COL5A1: variants seen among roughly 807,000 people sequenced by gnomAD.
COL5A1 encodes collagen type V alpha 1 chain, also known as collagen alpha-1(V) chain.
Under a neutral mutation model 263.7 loss-of-function variants are expected in COL5A1, and 16 were observed. That is an observed-to-expected ratio of 0.06 (90% CI 0.04 to 0.09). The LOEUF (loss-of-function observed/expected upper bound fraction) is 0.09. COL5A1 is among the 10% of genes least tolerant of loss of function. COL5A1 has a pLI of 1.00. For synonymous variants in COL5A1, 1,012 were observed against 1,004.5 expected (o/e 1.01, Z -0.14); for missense variants, 2,036 against 2,540.5 (o/e 0.80, Z 4.27).
intron 4 of COL5A1, among the ~76,000 whole-genome samples, chr9:134,706,583 G>A (rs142395005): frequency 6.6e-6 from 1 of 152,306 alleles, no homozygotes; most frequent in East Asian, 1.9e-4. Context: ...GCCAGCACCA[G>A]GGAGGTTGAG....
chr9:134,769,659 G>C (rs940301199), intron 25 of COL5A1, among the ~76,000 whole-genome samples: 1 of 152,206 alleles, frequency 6.6e-6, no homozygotes, highest in African/African-American at 2.4e-5. Flanking sequence ...CGCAATCTGT[G>C]GGGACAGTGG....
chr9:134,762,899 ATG>A (rs1318450415), intron 19 of COL5A1, among the ~76,000 whole-genome samples: 4 of 151,792 alleles, frequency 2.6e-5, no homozygotes, highest in African/African-American at 9.7e-5. Context: ...ATGCGTGCAT[ATG>A]TGTGGCTGTG....
At position 134,742,304 on chromosome 9, in the gene COL5A1, G is replaced by A. The variant is rs977214471; in HGVS notation, c.1494+3496G>A. Among the ~76,000 whole-genome samples, 5 of 151,638 alleles carry A rather than the reference G, an allele frequency of 3.3e-5. No homozygotes were observed. Among genetic ancestry groups the A allele is most frequent in the South Asian group, 2.1e-4 (1 of 4,790 alleles). ...TGGGGCCTGCCTTAAGAAACTCACC[G>A]TCCAGTGAGGAAGAAAAGGCACAGA... On this transcript the variant is annotated intron_variant, in intron 11 of 65. Coordinates refer to ENST00000371817, the MANE Select transcript of COL5A1 (RefSeq NM_000093.5). The surrounding 1 kb of genome is among the most constrained non-coding windows in gnomAD (Gnocchi z 4.6).
chr9:134,798,365 C>T, intron 36 of COL5A1, 43 bp from the exon 37 acceptor site: 1 of 1,600,336 alleles, frequency 6.2e-7, no homozygotes. Flanking sequence ...GTGGTTGCTT[C>T]TCAGACACGA....
chr9:134,782,039 T>C (rs1425367074), intron 28 of COL5A1, among the ~76,000 whole-genome samples: 1 of 152,210 alleles, frequency 6.6e-6, no homozygotes, highest in Non-Finnish European at 1.5e-5. Context: ...GCTTTTGCCC[T>C]GCGGTTTCCG....
At chr9:134,653,926 G>T (rs546050583) in intron 1 of COL5A1, among the ~76,000 whole-genome samples, 11 of 151,108 alleles carry the variant, frequency 7.3e-5, no homozygotes, top group Admixed American at 5.3e-4. Flanking sequence ...GGTGTGTAGG[G>T]CTGGTGTATG....
Position 134,774,713 on chromosome 9 carries a change from C to CA in COL5A1, c.2332-145dup, listed in dbSNP as rs1393217557. On this transcript the variant is annotated intron_variant, in intron 26 of 65. Coordinates refer to ENST00000371817, the MANE Select transcript of COL5A1 (RefSeq NM_000093.5). The stretch of plus-strand genomic sequence containing the variant: ...GCTGTGAACACCTGTGCGAGTCTCC[C>CA]ACGGGGGGCCTCTCTGGAGGCTCTG... 12 of 797,688 alleles carry CA rather than the reference C, an allele frequency of 1.5e-5. No individual in the cohort carries two copies. The African/African-American group carries it at 1.5e-4, about 10-fold the overall frequency. 49.4% of individuals were successfully genotyped at this position (797,688 alleles called of 1,614,324 possible). A position where few individuals can be genotyped will look rare whatever the true frequency, so the allele number is the denominator to read the frequency against.
intron 20 of COL5A1, among the ~76,000 whole-genome samples, chr9:134,764,115 C>T (rs1449397810): frequency 2.7e-4 from 3 of 11,052 alleles, no homozygotes; most frequent in African/African-American, 8.2e-4. Context: ...GTGGGGTGTC[C>T]GAGGGCATGG....
Position 134,695,650 on chromosome 9 carries a change from G to C in COL5A1, c.278-4259G>C, listed in dbSNP as rs78027701. Among the ~76,000 whole-genome samples, 14 of 152,120 alleles carry C rather than the reference G, an allele frequency of 9.2e-5. No individual in the cohort carries two copies. In the East Asian group the frequency reaches 2.7e-3, roughly 29 times the overall value. On this transcript the variant is annotated intron_variant, in intron 2 of 65. Coordinates refer to ENST00000371817, the MANE Select transcript of COL5A1 (RefSeq NM_000093.5). Reference sequence around the variant, plus strand: ...GTTCCCTGATGGCTGAGAGGAGGGGGGTCCCATGAAATAAGATGCGGGGTT... The same window carrying C: ...GTTCCCTGATGGCTGAGAGGAGGGGCGTCCCATGAAATAAGATGCGGGGTT...
intron 30 of COL5A1, 95 bp downstream of exon 30, chr9:134,785,191 G>A (rs1211306421): frequency 1.1e-6 from 1 of 948,692 alleles, no homozygotes. Context: ...GCTGCCCTAG[G>A]CATGGGGTGG....
At chr9:134,731,475 C>T (rs777559856) in intron 7 of COL5A1, 21 bp from the exon 8 acceptor site, 24 of 1,613,396 alleles carry the variant, frequency 1.5e-5, no homozygotes, top group African/African-American at 9.3e-5. Context: ...GGCAACCCTG[C>T]GCCTTCCTCT....
chr9:134,836,878 G>A (rs980070899), intron 65 of COL5A1, among the ~76,000 whole-genome samples: 1 of 152,354 alleles, frequency 6.6e-6, no homozygotes, highest in Admixed American at 6.5e-5. Flanking sequence ...TGCCTTCTGC[G>A]ATTGGTTGGG....
chr9:134,687,451 C>CCAT (rs1178725459), intron 1 of COL5A1, among the ~76,000 whole-genome samples: 10 of 149,594 alleles, frequency 6.7e-5, no homozygotes, highest in African/African-American at 1.5e-4. Context: ...ATCCATCCAT[C>CCAT]CATCCATCAT....
intron 11 of COL5A1, 99 bp from the exon 12 acceptor site, chr9:134,750,443 T>C (rs1327341432): frequency 5.6e-5 from 61 of 1,088,752 alleles, no homozygotes; most frequent in Non-Finnish European, 8.0e-5. Context: ...TCCAGTGCAT[T>C]TCCCGGGTGG....
intron 4 of COL5A1, among the ~76,000 whole-genome samples, chr9:134,720,110 C>T (rs555074624): frequency 3.7e-4 from 57 of 152,198 alleles, no homozygotes; most frequent in Admixed American, 7.2e-4. Context: ...CAGGAAGGGT[C>T]AGGGCACGGC....
intron 1 of COL5A1, among the ~76,000 whole-genome samples, chr9:134,669,617 TGA>T (rs1159784408): frequency 6.6e-6 from 1 of 152,058 alleles, no homozygotes; most frequent in Non-Finnish European, 1.5e-5. Flanking sequence ...TGGCTTGAAC[TGA>T]GAGACAAGAG....
At chr9:134,655,734 G>A (rs1831948726) in intron 1 of COL5A1, among the ~76,000 whole-genome samples, 2 of 152,144 alleles carry the variant, frequency 1.3e-5, no homozygotes, top group African/African-American at 4.8e-5. Context: ...AGACAGGAAT[G>A]TGTGACCAGG....
intron 37 of COL5A1, 88 bp from the exon 38 acceptor site, chr9:134,801,866 G>C: frequency 8.8e-7 from 1 of 1,133,328 alleles, no homozygotes; most frequent in South Asian, 1.2e-5. Flanking sequence ...GAAGGGAGGT[G>C]GGGGGCAAGC....
rs1833630219 is a variant in COL5A1, at chr9:134,700,431, G to C, written c.491+309G>C. On this transcript the variant is annotated intron_variant, in intron 3 of 65. Transcript: ENST00000371817. This position sits in a 1 kb window ranked among gnomAD's most constrained non-coding sequence, Gnocchi z 4.0. ...CAGAAGGGACACAGGAAATTGTGAGGTTATACCCAACCTTTTCCAGAAAGG... is the reference window on the plus strand; with the variant it reads ...CAGAAGGGACACAGGAAATTGTGAGCTTATACCCAACCTTTTCCAGAAAGG... Among the ~76,000 whole-genome samples, 2 of 152,170 alleles carry C rather than the reference G, an allele frequency of 1.3e-5. No homozygotes were observed. The highest frequency in any genetic ancestry group is 4.8e-5 in the African/African-American group (2 of 41,440).
Sources: gnomAD v4.1 joint callset for allele counts (sites outside exome capture counted in the v4.1 genomes callset) on GRCh38, gnomAD v4.1.1 for gene constraint, Gnocchi (gnomAD v3.1) non-coding constraint, MANE v1.5 for transcripts, NCBI Gene and HGNC (gene_info 2026-07-23, HGNC 2026-07-21) for gene names.